FAM168A: variants seen among roughly 807,000 people sequenced by gnomAD.
FAM168A encodes protein FAM168A.
A neutral mutation model predicts 28.5 loss-of-function variants in FAM168A; 3 were observed. The observed-to-expected ratio is 0.11, with a 90% CI of 0.05 to 0.27. The LOEUF (loss-of-function observed/expected upper bound fraction) is 0.27. Ranked by LOEUF, FAM168A falls within the 10% of genes least tolerant of loss-of-function variation. The pLI is 1.00. For missense variants in FAM168A, 222 were observed against 311.5 expected (o/e 0.71, Z 2.16); for synonymous variants, 122 against 124.2 (o/e 0.98, Z 0.12).
chr11:73,444,854 T>C (rs1867270444), intron 2 of FAM168A, among the ~76,000 whole-genome samples: 1 of 152,242 alleles, frequency 6.6e-6, no homozygotes, highest in African/African-American at 2.4e-5. Flanking sequence ...GAAAAACAGA[T>C]ATACAATTAT....
intron 1 of FAM168A, among the ~76,000 whole-genome samples, chr11:73,507,942 G>A (rs1855148242): frequency 6.6e-6 from 1 of 152,066 alleles, no homozygotes. Flanking sequence ...GGTATACCGA[G>A]GGACAACTGT....
chr11:73,449,997 C>T (rs758276349), intron 2 of FAM168A, among the ~76,000 whole-genome samples: 1 of 152,226 alleles, frequency 6.6e-6, no homozygotes, highest in Non-Finnish European at 1.5e-5. Flanking sequence ...CAAGTAATCA[C>T]ACTTTTGACC....
intron 1 of FAM168A, among the ~76,000 whole-genome samples, chr11:73,569,413 G>A (rs112203835): frequency 2.0e-5 from 3 of 152,262 alleles, no homozygotes; most frequent in South Asian, 4.1e-4. Context: ...AATTTTGCTC[G>A]TTGGATTTGA....
intron 1 of FAM168A, among the ~76,000 whole-genome samples, chr11:73,496,721 C>T (rs1355992620): frequency 3.9e-5 from 6 of 152,154 alleles, no homozygotes; most frequent in South Asian, 4.2e-4. Flanking sequence ...CCACCATGCC[C>T]GGCTAATTTT....
chr11:73,531,518 T>C (rs1212562206), intron 1 of FAM168A, among the ~76,000 whole-genome samples: 1 of 152,190 alleles, frequency 6.6e-6, no homozygotes, highest in African/African-American at 2.4e-5. Flanking sequence ...AGATGCAGCC[T>C]GTTTCAGAGA....
intron 3 of FAM168A, among the ~76,000 whole-genome samples, chr11:73,423,466 ACT>A (rs1382898957): frequency 6.6e-6 from 1 of 151,654 alleles, no homozygotes; most frequent in African/African-American, 2.4e-5. Flanking sequence ...ACCTCTCTAG[ACT>A]CTCTCATTGT....
chr11:73,482,303 G>A (rs1222347013), intron 1 of FAM168A, among the ~76,000 whole-genome samples: 2 of 146,014 alleles, frequency 1.4e-5, no homozygotes, highest in Non-Finnish European at 3.0e-5. Flanking sequence ...CAAAACCCAA[G>A]CCTCCTGACT....
At chr11:73,541,636 C>T (rs1943659349) in intron 1 of FAM168A, among the ~76,000 whole-genome samples, 1 of 152,164 alleles carries the variant, frequency 6.6e-6, no homozygotes, top group Non-Finnish European at 1.5e-5. Flanking sequence ...TCCCAAAGTG[C>T]TGGGATTACA....
At chr11:73,505,771 G>A (rs1855105798) in intron 1 of FAM168A, among the ~76,000 whole-genome samples, 1 of 152,130 alleles carries the variant, frequency 6.6e-6, no homozygotes, top group Admixed American at 6.5e-5. Context: ...TTATAGATGG[G>A]AGAACTGAGT....
intron 1 of FAM168A, among the ~76,000 whole-genome samples, chr11:73,591,637 A>C (rs912338435): frequency 6.6e-6 from 1 of 152,188 alleles, no homozygotes; most frequent in Non-Finnish European, 1.5e-5. Context: ...AGCCTCCAAA[A>C]TAGCTATGAA....
At chr11:73,547,835 C>A in intron 1 of FAM168A, among the ~76,000 whole-genome samples, 1 of 148,782 alleles carries the variant, frequency 6.7e-6, no homozygotes. Context: ...AAATGTCCAT[C>A]ATTGAATGAA....
chr11:73,577,121 A>C (rs900025300), intron 1 of FAM168A, among the ~76,000 whole-genome samples: 15 of 152,226 alleles, frequency 9.9e-5, no homozygotes, highest in African/African-American at 3.6e-4. Context: ...TAGTTCAACG[A>C]ATCCACAAAT....
Position 73,401,874 on chromosome 11 carries a change from G to A in FAM168A, c.*4889C>T, listed in dbSNP as rs960798236. 1 of 152,240 alleles carries A rather than the reference G, an allele frequency of 6.6e-6. No homozygotes were observed. Among genetic ancestry groups the A allele is most frequent in the Non-Finnish European group, 1.5e-5 (1 of 68,054 alleles). 9.4% of individuals were successfully genotyped at this position (152,240 alleles called of 1,614,324 possible). ...GCAGGGCTGGCCATGGAATGTTGAA[G>A]CTGGCCTGCCAGGAATTTTGAAGGC... On this transcript the variant is annotated 3_prime_UTR_variant, in exon 8 of 8. Coordinates refer to ENST00000356467, the MANE Select transcript of FAM168A (RefSeq NM_015159.3).
chr11:73,495,127 T>TA (rs765656317), intron 1 of FAM168A, among the ~76,000 whole-genome samples: 16,139 of 125,570 alleles, frequency 0.13, 2,770 homozygotes, highest in African/African-American at 0.4. Flanking sequence ...GGTATAGACG[T>TA]AAAAAAAAAA....
chr11:73,424,186 A>G (rs72970033), intron 3 of FAM168A, among the ~76,000 whole-genome samples: 19,279 of 152,238 alleles, frequency 0.13, 1,544 homozygotes, highest in South Asian at 0.28. Flanking sequence ...GGCAAGGAGA[A>G]ATTTCACAGC....
chr11:73,402,632 T>C lies in FAM168A; in HGVS notation c.*4131A>G, dbSNP rs1866432895. On this transcript the variant is annotated 3_prime_UTR_variant, in exon 8 of 8. Coordinates refer to ENST00000356467, the MANE Select transcript of FAM168A (RefSeq NM_015159.3). ...ACGTTTTGTACCAACTCACTGGATC[T>C]GGACAGTGGGCAGGCTCTCAGGGAT... is the stretch of plus-strand genomic sequence containing the variant. The C allele has an allele frequency of 6.6e-6, 1 of 152,270 alleles. No homozygotes were observed. Among genetic ancestry groups the C allele is most frequent in the Admixed American group, 6.5e-5 (1 of 15,282 alleles). The allele number at this position is 152,270 out of a possible 1,614,324, so 9.4% of individuals were successfully genotyped here. A position where few individuals can be genotyped will look rare whatever the true frequency, so the allele number is the denominator to read the frequency against.
chr11:73,454,516 GC>G (rs1867490793), intron 2 of FAM168A, among the ~76,000 whole-genome samples: 1 of 152,156 alleles, frequency 6.6e-6, no homozygotes, highest in African/African-American at 2.4e-5. Context: ...GGGATAGGGG[GC>G]AGAGAAATTC....
At chr11:73,411,297 C>G in intron 5 of FAM168A, 97 bp downstream of exon 5, 10 of 1,362,980 alleles carry the variant, frequency 7.3e-6, no homozygotes, top group Non-Finnish European at 1.0e-5. Flanking sequence ...CACAAACCAT[C>G]CTCTCCTTCC....
intron 2 of FAM168A, among the ~76,000 whole-genome samples, chr11:73,460,498 G>GTT (rs1565255375): frequency 2.6e-4 from 35 of 136,048 alleles, no homozygotes; most frequent in East Asian, 8.3e-4. Context: ...GGCTACTAAT[G>GTT]CTTTTTTTTT....
Sources: allele counts gnomAD v4.1 joint callset (sites outside exome capture counted in the v4.1 genomes callset), GRCh38; gene constraint gnomAD v4.1.1; transcripts MANE v1.5; gene names NCBI Gene and HGNC (gene_info 2026-07-23, HGNC 2026-07-21).